The following FAM110A variants were observed in gnomAD, a reference collection of about 807,000 sequenced individuals.
The protein encoded by FAM110A is protein FAM110A.
Under a neutral mutation model 4.0 loss-of-function variants are expected in FAM110A, and 1 was observed. That is an observed-to-expected ratio of 0.25 (90% CI 0.09 to 1.20). The LOEUF (loss-of-function observed/expected upper bound fraction) is 1.20. FAM110A is among the 50% of genes most tolerant of loss of function. The pLI, the probability that FAM110A is intolerant of heterozygous loss-of-function variation, is 0.50. For synonymous variants in FAM110A, 217 were observed against 196.8 expected (o/e 1.10, Z -0.86); for missense variants, 436 against 429.2 (o/e 1.02, Z -0.14).
At position 845,019 on chromosome 20, in the gene FAM110A, C is replaced by A; in HGVS notation, c.215C>A (p.Ser72Tyr). The A allele has an allele frequency of 6.3e-7, 1 of 1,595,236 alleles. No homozygotes were observed. Among genetic ancestry groups the A allele is most frequent in the Admixed American group, 1.7e-5 (1 of 57,638 alleles). The part of the protein sequence containing the change: ...TRQEPVQPLL[S>Y]KQPLFSPETR... ...CAGGAGCCTGTGCAGCCCCTGCTGT[C>A]CAAACAGCCGCTCTTTAGCCCTGAG... The change falls in exon 2 of 2, where the codon TCC (serine) becomes TAC (tyrosine). Residue 72 changes from serine (S) to tyrosine (Y), a missense_variant. Transcript: ENST00000381941.
At chr20:839,807 G>A (rs28497036) in intron 1 of FAM110A, 179,790 of 1,580,780 alleles carry the variant, frequency 0.11, 11,159 homozygotes, top group Middle Eastern at 0.17. Flanking sequence ...GTTCCTTCAC[G>A]CAGCCCCGGG....
At chr20:844,607 A>G (rs1440967917) in intron 1 of FAM110A, 101 bp from the exon 2 acceptor site, 2 of 793,156 alleles carry the variant, frequency 2.5e-6, no homozygotes, top group Non-Finnish European at 3.5e-6. Flanking sequence ...CGTGGTCTCT[A>G]CCTTATAATA....
rs1342679452 is a variant in FAM110A at position 845,254 on chromosome 20, G to A, written c.450G>A (p.Ala150=). 2.0e-6 allele frequency: 3 copies of A among 1,494,874 alleles called. No individual in the cohort carries two copies. The highest frequency in any genetic ancestry group is 2.7e-6 in the Non-Finnish European group (3 of 1,125,562). 92.6% of individuals were successfully genotyped at this position (1,494,874 alleles called of 1,614,324 possible). Residue 150 remains alanine, a synonymous_variant, in exon 2 of 2, where the codon GCG becomes GCA. Coordinates refer to ENST00000381941, the MANE Select transcript of FAM110A (RefSeq NM_001042353.3). The part of the protein sequence containing the change: ...TPPRPPPSTS[A]VRRVDVRPLP... Reference sequence around the variant, plus strand: ...CGCGACCGCCGCCCAGTACCTCTGCGGTCCGCCGGGTGGACGTCCGCCCCC... The same window carrying A: ...CGCGACCGCCGCCCAGTACCTCTGCAGTCCGCCGGGTGGACGTCCGCCCCC...
At chr20:835,478 C>T (rs184693561) in intron 1 of FAM110A, among the ~76,000 whole-genome samples, 20 of 152,022 alleles carry the variant, frequency 1.3e-4, no homozygotes, top group African/African-American at 3.9e-4. Context: ...TCTAATCCTG[C>T]GTGCCAGGCC....
chr20:844,754 CCT>C lies in FAM110A; in HGVS notation c.-49_-48del. 2.2e-6 allele frequency: 2 copies of C among 889,800 alleles called. No homozygotes were observed. Among genetic ancestry groups the C allele is most frequent in the Non-Finnish European group, 2.9e-6 (2 of 700,068 alleles). 55.1% of individuals were successfully genotyped at this position (889,800 alleles called of 1,614,324 possible). A position where few individuals can be genotyped will look rare whatever the true frequency, so the allele number is the denominator to read the frequency against. On this transcript the variant is annotated 5_prime_UTR_variant, in exon 2 of 2. Coordinates refer to ENST00000381941, the MANE Select transcript of FAM110A (RefSeq NM_001042353.3). ...CTACTTTCTGCCCGGATCTCTGGCT[CCT>C]CATCTCTCCGGTCTCCGCAGACTAA...
At chr20:837,435 A>G (rs1476580708) in intron 1 of FAM110A, among the ~76,000 whole-genome samples, 1 of 152,200 alleles carries the variant, frequency 6.6e-6, no homozygotes, top group Non-Finnish European at 1.5e-5. Context: ...GGGCTGATGA[A>G]GCCCTCCCTC....
chr20:838,460 GT>G (rs1979698867), intron 1 of FAM110A, among the ~76,000 whole-genome samples: 1 of 152,214 alleles, frequency 6.6e-6, no homozygotes, highest in Non-Finnish European at 1.5e-5. Flanking sequence ...AATTGGAAGG[GT>G]GTGATGGAGC....
At chr20:836,785 T>G (rs1979597264) in intron 1 of FAM110A, among the ~76,000 whole-genome samples, 1 of 152,226 alleles carries the variant, frequency 6.6e-6, no homozygotes, top group South Asian at 2.1e-4. Flanking sequence ...ACTACTTTAC[T>G]GTGTTTCACA....
At chr20:843,410 G>C (rs1036572062) in intron 1 of FAM110A, among the ~76,000 whole-genome samples, 1 of 152,210 alleles carries the variant, frequency 6.6e-6, no homozygotes, top group Non-Finnish European at 1.5e-5. Flanking sequence ...AAACACAGTG[G>C]CAACTGGCCA....
rs1435635768 is a variant in FAM110A, at chr20:834,659, T to G, written c.-98+708T>G. Among the ~76,000 whole-genome samples, 1 of 152,182 alleles carries G rather than the reference T, an allele frequency of 6.6e-6. No individual in the cohort carries two copies. Among genetic ancestry groups the G allele is most frequent in the Non-Finnish European group, 1.5e-5 (1 of 68,028 alleles). On this transcript the variant is annotated intron_variant, in intron 1 of 1. Coordinates refer to ENST00000381941, the MANE Select transcript of FAM110A (RefSeq NM_001042353.3). This position sits in a 1 kb window ranked among gnomAD's most constrained non-coding sequence, Gnocchi z 5.6. ...TAGGTTGCTATTGTCAGTCTCCTTT[T>G]GTAGGTGGGGAAACGGAGGTTCTAA...
At chr20:836,451 T>C (rs941494063) in intron 1 of FAM110A, among the ~76,000 whole-genome samples, 6 of 152,272 alleles carry the variant, frequency 3.9e-5, no homozygotes, top group Admixed American at 3.3e-4. Flanking sequence ...ATAAATGGAA[T>C]CATAACAGTA....
At position 845,371 on chromosome 20, in the gene FAM110A, G is replaced by T. The variant is rs973463248; in HGVS notation, c.567G>T (p.Ser189=). 1.9e-6 allele frequency: 3 copies of T among 1,612,028 alleles called. No individual in the cohort carries two copies. The highest frequency in any genetic ancestry group is 2.5e-6 in the Non-Finnish European group (3 of 1,179,372). The change falls in exon 2 of 2, where the codon TCG becomes TCT. Residue 189 remains serine (S), a synonymous_variant. Coordinates refer to ENST00000381941, the MANE Select transcript of FAM110A (RefSeq NM_001042353.3). ...CGCCGGGTTTGCAACGCTCCAAGTC[G>T]GACTTGAGCGAGCGCTTTTCTAGGG... ...ARPPGLQRSK[S]DLSERFSRAA... is the part of the protein sequence containing the mutation.
rs886412294 is a variant in FAM110A, at chr20:839,756, C to A, written c.-97-4952C>A. On this transcript the variant is annotated intron_variant, in intron 1 of 1. Coordinates refer to ENST00000381941, the MANE Select transcript of FAM110A (RefSeq NM_001042353.3). ...GGTAATCACGGAGATACTGGCTACC[C>A]TCATTGGTAAGGTACCAGTAGAAAT... 25 of 1,418,682 alleles carry A rather than the reference C, an allele frequency of 1.8e-5. No homozygotes were observed. The African/African-American group carries it at 3.0e-4, about 17-fold the overall frequency. The allele number at this position is 1,418,682 out of a possible 1,614,324, so 87.9% of individuals were successfully genotyped here.
At chr20:838,229 C>T (rs370656449) in intron 1 of FAM110A, among the ~76,000 whole-genome samples, 71 of 152,314 alleles carry the variant, frequency 4.7e-4, no homozygotes, top group African/African-American at 1.7e-3. Flanking sequence ...CTAAGAAGGA[C>T]ACAACATCAC....
Position 844,743 on chromosome 20 carries a change from G to T in FAM110A, c.-62G>T. 1 of 1,358,490 alleles carries T rather than the reference G, an allele frequency of 7.4e-7. No homozygotes were observed. The highest frequency in any genetic ancestry group is 9.4e-7 in the Non-Finnish European group (1 of 1,060,608). 84.2% of individuals were successfully genotyped at this position (1,358,490 alleles called of 1,614,324 possible). A position where few individuals can be genotyped will look rare whatever the true frequency, so the allele number is the denominator to read the frequency against. ...TGTCCAGCTGCCTACTTTCTGCCCG[G>T]ATCTCTGGCTCCTCATCTCTCCGGT... On this transcript the variant is annotated 5_prime_UTR_variant, in exon 2 of 2. Coordinates refer to ENST00000381941, the MANE Select transcript of FAM110A (RefSeq NM_001042353.3).
In FAM110A at chr20:844,914, C is replaced by A; in HGVS notation, c.110C>A (p.Ala37Asp). 1.3e-6 allele frequency: 2 copies of A among 1,569,110 alleles called. No homozygotes were observed. The highest frequency in any genetic ancestry group is 1.7e-6 in the Non-Finnish European group (2 of 1,158,418). ...CTACGGGGGCCGGCAGATGGTGGAG[C>A]CCGGAAACCGAGCGCTGTGGAGCGC... ...YLLRGPADGG[A>D]RKPSAVERLE... The change falls in exon 2 of 2, where the codon GCC becomes GAC. Residue 37 changes from alanine (A) to aspartate (D), a missense_variant. By Grantham distance (126) the Ala-to-Asp change is moderately radical (BLOSUM62 -2). Coordinates refer to ENST00000381941, the MANE Select transcript of FAM110A (RefSeq NM_001042353.3).
At chr20:839,431 A>G (rs1002459505) in intron 1 of FAM110A, 2 of 692,106 alleles carry the variant, frequency 2.9e-6, no homozygotes, top group Non-Finnish European at 5.3e-6. Flanking sequence ...TCAATGTGAA[A>G]TAATCCTCTC....
intron 1 of FAM110A, among the ~76,000 whole-genome samples, chr20:835,669 T>C (rs1979540502): frequency 1.3e-5 from 2 of 152,212 alleles, no homozygotes; most frequent in Admixed American, 1.3e-4. Flanking sequence ...CTAATGTTAG[T>C]GCAAGGCCAC....
At position 845,342 on chromosome 20, in the gene FAM110A, C is replaced by G. The variant is rs957098379; in HGVS notation, c.538C>G (p.Arg180Gly). Residue 180 changes from arginine to glycine, a missense_variant, in exon 2 of 2, where the codon CGG (arginine) becomes GGG (glycine). Arg to Gly is a moderately radical substitution (Grantham distance 125). Coordinates refer to ENST00000381941, the MANE Select transcript of FAM110A (RefSeq NM_001042353.3). ...CCCTGCCGCCGCCTCCAGCCCAGCCCGGCCGCCGGGTTTGCAACGCTCCAA... is the reference window on the plus strand; with the variant it reads ...CCCTGCCGCCGCCTCCAGCCCAGCCGGGCCGCCGGGTTTGCAACGCTCCAA... ...PGPAAASSPA[R>G]PPGLQRSKSD... is the part of the protein sequence containing the mutation. 6.3e-7 allele frequency: 1 copy of G among 1,588,126 alleles called. No individual in the cohort carries two copies. The highest frequency in any genetic ancestry group is 8.6e-7 in the Non-Finnish European group (1 of 1,167,744).
Sources: allele counts gnomAD v4.1 joint callset (sites outside exome capture counted in the v4.1 genomes callset), GRCh38; gene constraint gnomAD v4.1.1; non-coding constraint Gnocchi (gnomAD v3.1); transcripts MANE v1.5; gene names NCBI Gene and HGNC (gene_info 2026-07-23, HGNC 2026-07-21).